Variants in TRAF3 observed in about 807,000 individuals in gnomAD.
TRAF3 encodes TNF receptor-associated factor 3.
Under a neutral mutation model 62.3 loss-of-function variants are expected in TRAF3, and 13 were observed. The observed-to-expected ratio is 0.21, with a 90% CI of 0.14 to 0.33. The LOEUF (loss-of-function observed/expected upper bound fraction) is 0.33, where lower values mean the gene tolerates loss of function less well. Ranked by LOEUF, TRAF3 falls within the 10% of genes least tolerant of loss-of-function variation. The pLI is 1.00. For synonymous variants in TRAF3, 269 were observed against 283.4 expected, an observed-to-expected ratio of 0.95 and a Z score of 0.51; for missense variants, 440 against 741.8, an observed-to-expected ratio of 0.59 and a Z score of 4.73.
chr14:102,809,808 G>A (rs1899015784), intron 1 of TRAF3, among the ~76,000 whole-genome samples: 1 of 152,022 alleles, frequency 6.6e-6, no homozygotes, highest in Non-Finnish European at 1.5e-5. Flanking sequence ...GGGATTACAG[G>A]CATGAGCCAC....
intron 2 of TRAF3, among the ~76,000 whole-genome samples, chr14:102,852,128 ATTTTAT>A (rs1887079675): frequency 6.6e-6 from 1 of 151,968 alleles, no homozygotes; most frequent in Non-Finnish European, 1.5e-5. Flanking sequence ...CCTTACAGAC[ATTTTAT>A]TTTTATTTTA....
At chr14:102,781,792 A>AT (rs916288245) in intron 1 of TRAF3, among the ~76,000 whole-genome samples, 12,831 of 111,204 alleles carry the variant, frequency 0.12, 1,018 homozygotes, top group African/African-American at 0.21. Flanking sequence ...ACGCTTGGCT[A>AT]TTTTTTTTTT....
At chr14:102,852,952 G>A (rs372138815) in intron 2 of TRAF3, among the ~76,000 whole-genome samples, 284 of 151,838 alleles carry the variant, frequency 1.9e-3, no homozygotes, top group South Asian at 5.0e-3. Flanking sequence ...GGAGTGCAGC[G>A]GCACAATCTC....
At chr14:102,815,096 G>T (rs901128072) in intron 1 of TRAF3, among the ~76,000 whole-genome samples, 3 of 151,922 alleles carry the variant, frequency 2.0e-5, no homozygotes, top group Non-Finnish European at 2.9e-5. Context: ...CATTATGCCT[G>T]GTTAATTTTT....
chr14:102,802,365 A>G (rs1790768832), intron 1 of TRAF3, among the ~76,000 whole-genome samples: 1 of 139,242 alleles, frequency 7.2e-6, no homozygotes, highest in Admixed American at 7.2e-5. Context: ...TATGTTAGCC[A>G]GGATGGTCTC....
chr14:102,817,618 T>C (rs565064157), intron 1 of TRAF3, among the ~76,000 whole-genome samples: 1 of 152,134 alleles, frequency 6.6e-6, no homozygotes, highest in South Asian at 2.1e-4. Flanking sequence ...TTCCAAAAGC[T>C]GAGAGTAAGG....
At position 102,801,127 on chromosome 14, in the gene TRAF3, C is replaced by T. The variant is rs529107913; in HGVS notation, c.-157+23452C>T. ...CTTGCAGTGAGCGGAGATCGCGCCA[C>T]GGCACTCCCGCCTGGGCGACAGAAC... On this transcript the variant is annotated intron_variant, in intron 1 of 11. Coordinates refer to ENST00000392745, the MANE Select transcript of TRAF3 (RefSeq NM_145725.3). Among the ~76,000 whole-genome samples, 60 of 152,324 alleles carry T rather than the reference C, an allele frequency of 3.9e-4. No individual in the cohort carries two copies. In the Middle Eastern group the frequency reaches 0.014, roughly 35 times the overall value.
At chr14:102,837,142 GTT>G (rs1213983653) in intron 2 of TRAF3, among the ~76,000 whole-genome samples, 2 of 130,928 alleles carry the variant, frequency 1.5e-5, no homozygotes, top group African/African-American at 5.3e-5. Flanking sequence ...GTGTGTGTGT[GTT>G]TTTTTTGGGG....
intron 1 of TRAF3, among the ~76,000 whole-genome samples, chr14:102,795,949 G>T (rs868320896): frequency 6.6e-6 from 1 of 152,228 alleles, no homozygotes; most frequent in Non-Finnish European, 1.5e-5. Context: ...GGGCATGGTT[G>T]CTCACGCCTG....
chr14:102,887,889 C>T (rs896418349), intron 7 of TRAF3, among the ~76,000 whole-genome samples: 6 of 152,130 alleles, frequency 3.9e-5, no homozygotes, highest in African/African-American at 1.2e-4. Context: ...GCCACCGCGC[C>T]CGGCCAATAA....
chr14:102,778,357 G>A lies in TRAF3; in HGVS notation c.-157+682G>A, dbSNP rs902480452. On this transcript the variant is annotated intron_variant, in intron 1 of 11. Transcript: ENST00000392745. ...GTTCCACGCCGCCAGCCAGCCCCGT[G>A]TGGGGACTTCGGTCTAGTATTTGGA... Among the ~76,000 whole-genome samples, 10 of 152,220 alleles carry A rather than the reference G, an allele frequency of 6.6e-5. No individual in the cohort carries two copies. In the South Asian group the frequency reaches 1.4e-3, roughly 22 times the overall value.
chr14:102,848,607 A>G (rs574638678), intron 2 of TRAF3, among the ~76,000 whole-genome samples: 31 of 152,312 alleles, frequency 2.0e-4, no homozygotes, highest in Non-Finnish European at 4.3e-4. Context: ...GTACCATTCA[A>G]TTTTCTCCAA....
chr14:102,788,084 T>C (rs7401984), intron 1 of TRAF3, among the ~76,000 whole-genome samples: 130,095 of 151,516 alleles, frequency 0.86, 56,024 homozygotes, highest in East Asian at 0.95. Context: ...CGAACTCCTG[T>C]GCTCAAGGGA....
At chr14:102,843,785 G>T (rs189633784) in intron 2 of TRAF3, among the ~76,000 whole-genome samples, 15 of 152,192 alleles carry the variant, frequency 9.9e-5, no homozygotes, top group South Asian at 4.1e-4. Context: ...TCCAGCCTGG[G>T]TGACAGAGTG....
At chr14:102,846,275 C>T (rs567768986) in intron 2 of TRAF3, among the ~76,000 whole-genome samples, 2 of 152,154 alleles carry the variant, frequency 1.3e-5, no homozygotes, top group African/African-American at 4.8e-5. Flanking sequence ...AGAGACCACC[C>T]TCGGGGATGA....
intron 1 of TRAF3, among the ~76,000 whole-genome samples, chr14:102,798,895 G>A (rs1374865840): frequency 6.6e-6 from 1 of 152,186 alleles, no homozygotes; most frequent in Non-Finnish European, 1.5e-5. Context: ...GCCAGTTTCA[G>A]TCTGGAACGT....
In TRAF3 at chr14:102,826,386, C is replaced by T. The variant is rs909305080; in HGVS notation, c.-156-3948C>T. Among the ~76,000 whole-genome samples the T allele has an allele frequency of 7.2e-5, 11 of 152,176 alleles. No individual in the cohort carries two copies. The highest frequency in any genetic ancestry group is 1.2e-4 in the Non-Finnish European group (8 of 68,038). On this transcript the variant is annotated intron_variant, in intron 1 of 11. Coordinates refer to ENST00000392745, the MANE Select transcript of TRAF3 (RefSeq NM_145725.3). This position sits in a 1 kb window ranked among gnomAD's most constrained non-coding sequence, Gnocchi z 4.6. ...TGAGCACCGCAGATACCACCCTGACCGCCACTGCAGGGCTTCTGTGCGGGG... is the reference window on the plus strand; with the variant it reads ...TGAGCACCGCAGATACCACCCTGACTGCCACTGCAGGGCTTCTGTGCGGGG...
At chr14:102,874,180 G>T (rs1055234863) in intron 4 of TRAF3, among the ~76,000 whole-genome samples, 2 of 152,182 alleles carry the variant, frequency 1.3e-5, no homozygotes, top group African/African-American at 4.8e-5. Flanking sequence ...TGAGAGGATC[G>T]CTTGAGCCCA....
At chr14:102,818,362 C>T (rs149518946) in intron 1 of TRAF3, among the ~76,000 whole-genome samples, 212 of 152,264 alleles carry the variant, frequency 1.4e-3, no homozygotes, top group African/African-American at 4.9e-3. Context: ...GTTCTTCAGC[C>T]TTCTTAGTAG....
Sources: gnomAD v4.1 joint callset for allele counts (sites outside exome capture counted in the v4.1 genomes callset) on GRCh38, gnomAD v4.1.1 for gene constraint, Gnocchi (gnomAD v3.1) non-coding constraint, MANE v1.5 for transcripts, NCBI Gene and HGNC (gene_info 2026-07-23, HGNC 2026-07-21) for gene names.